Variants in UBN2 observed in about 807,000 individuals in gnomAD.
UBN2 encodes ubinuclein 2.
A neutral mutation model predicts 120.2 loss-of-function variants in UBN2; 35 were observed. The ratio of observed to expected loss-of-function variants is 0.29; its 90% CI spans 0.22 to 0.39. The LOEUF is 0.39. Among genes scored for constraint, UBN2 ranks in the 10% least tolerant of loss-of-function variants. The pLI is 1.00. For synonymous variants in UBN2, 661 were observed against 648.7 expected (o/e 1.02, Z -0.29); for missense variants, 1,693 against 1,663.2 (o/e 1.02, Z -0.31).
At chr7:139,286,702 AAACAT>A (rs1228508528) in intron 15 of UBN2, among the ~76,000 whole-genome samples, 1 of 152,176 alleles carries the variant, frequency 6.6e-6, no homozygotes, top group Admixed American at 6.5e-5. Context: ...TATTCTTTGA[AAACAT>A]AACTTTTATT....
rs1371334150 is a variant in UBN2, at chr7:139,298,514, G to C, written c.*678G>C. Reference sequence around the variant, plus strand: ...CATCTAGATTTTTAAAAATCAGGAAGTTGAGCCTGTTGCTCTTAAGAGATG... The same window carrying C: ...CATCTAGATTTTTAAAAATCAGGAACTTGAGCCTGTTGCTCTTAAGAGATG... On this transcript the variant is annotated 3_prime_UTR_variant, in exon 18 of 18. Transcript: ENST00000473989. 1 of 152,092 alleles carries C rather than the reference G, an allele frequency of 6.6e-6. No homozygotes were observed. The highest frequency in any genetic ancestry group is 2.4e-5 in the African/African-American group (1 of 41,402). 9.4% of individuals were successfully genotyped at this position (152,092 alleles called of 1,614,324 possible). A position where few individuals can be genotyped will look rare whatever the true frequency, so the allele number is the denominator to read the frequency against.
intron 6 of UBN2, among the ~76,000 whole-genome samples, chr7:139,262,601 G>A (rs1290664718): frequency 2.0e-5 from 3 of 151,742 alleles, no homozygotes; most frequent in Non-Finnish European, 4.4e-5. Flanking sequence ...TGTAATCCCA[G>A]CTACTCAGAG....
In UBN2 at chr7:139,299,696, T is replaced by C. The variant is rs949110623; in HGVS notation, c.*1860T>C. ...CCCAGTAGATATTTTGGAAGGATAC[T>C]GGGAGGATGTTGCAGAGAGGTTTGA... On this transcript the variant is annotated 3_prime_UTR_variant, in exon 18 of 18. Coordinates refer to ENST00000473989, the MANE Select transcript of UBN2 (RefSeq NM_173569.4). 6.6e-6 allele frequency: 1 copy of C among 152,178 alleles called. No homozygotes were observed. Among genetic ancestry groups the C allele is most frequent in the Admixed American group, 6.5e-5 (1 of 15,280 alleles). 9.4% of individuals were successfully genotyped at this position (152,178 alleles called of 1,614,324 possible).
Position 139,284,107 on chromosome 7 carries a change from A to C in UBN2, c.3202A>C (p.Lys1068Gln). 2 of 1,614,134 alleles carry C rather than the reference A, an allele frequency of 1.2e-6. No individual in the cohort carries two copies. Among genetic ancestry groups the C allele is most frequent in the Non-Finnish European group, 1.7e-6 (2 of 1,180,034 alleles). Residue 1068 changes from lysine to glutamine, a missense_variant, in exon 15 of 18, where the codon AAG (lysine) becomes CAG (glutamine). Physicochemically the swap from Lys to Gln is moderately conservative, Grantham distance 53 (BLOSUM62 1). Transcript: ENST00000473989. ...SASPKPSLSA[K>Q]PSVSTKLISK... Reference sequence around the variant, plus strand: ...CTCACCCAAGCCCTCTCTGTCAGCTAAGCCTTCAGTATCAACTAAACTTAT... The same window carrying C: ...CTCACCCAAGCCCTCTCTGTCAGCTCAGCCTTCAGTATCAACTAAACTTAT...
Position 139,299,155 on chromosome 7 carries a change from T to C in UBN2, c.*1319T>C, listed in dbSNP as rs146989470. 6.6e-6 allele frequency: 1 copy of C among 152,334 alleles called. No individual in the cohort carries two copies. Among genetic ancestry groups the C allele is most frequent in the African/African-American group, 2.4e-5 (1 of 41,586 alleles). 9.4% of individuals were successfully genotyped at this position (152,334 alleles called of 1,614,324 possible). On this transcript the variant is annotated 3_prime_UTR_variant, in exon 18 of 18. Transcript: ENST00000473989. Reference sequence around the variant, plus strand: ...CAAAGGATGTTAAGGGAAAAATTTATGGTTCTCCTTGGATACATTTGATTT... The same window carrying C: ...CAAAGGATGTTAAGGGAAAAATTTACGGTTCTCCTTGGATACATTTGATTT...
Position 139,273,967 on chromosome 7 carries a change from A to G in UBN2, c.1866A>G (p.Gly622=). 1 of 1,612,646 alleles carries G rather than the reference A, an allele frequency of 6.2e-7. No homozygotes were observed. Among genetic ancestry groups the G allele is most frequent in the Non-Finnish European group, 8.5e-7 (1 of 1,179,606 alleles). ...LLCNLVEIKL[G]CYELEPNKSQ... Reference sequence around the variant, plus strand: ...GTAACCTTGTTGAGATCAAATTGGGATGCTATGAGTTAGAACCAAATAAAA... The same window carrying G: ...GTAACCTTGTTGAGATCAAATTGGGGTGCTATGAGTTAGAACCAAATAAAA... Residue 622 remains glycine (G), a synonymous_variant, in exon 11 of 18, where the codon GGA becomes GGG. Transcript: ENST00000473989.
At position 139,231,828 on chromosome 7, in the gene UBN2, G is replaced by T. The variant is rs1796022858; in HGVS notation, c.344G>T (p.Arg115Leu). 4.0e-6 allele frequency: 6 copies of T among 1,514,734 alleles called. No homozygotes were observed. Among genetic ancestry groups the T allele is most frequent in the Non-Finnish European group, 5.3e-6 (6 of 1,137,718 alleles). 93.8% of individuals were successfully genotyped at this position (1,514,734 alleles called of 1,614,324 possible). A position where few individuals can be genotyped will look rare whatever the true frequency, so the allele number is the denominator to read the frequency against. ...CCCCCGCCGCGGGAGTCGGCTTCCC[G>T]GGCTGAGCAGCCGCCGCGGCCGCCG... ...QPPPPRESAS[R>L]AEQPPRPPRE... The change falls in exon 1 of 18, where the codon CGG becomes CTG. Residue 115 changes from arginine to leucine, a missense_variant. By Grantham distance (102) the Arg-to-Leu change is moderately radical. Transcript: ENST00000473989.
the UBN2 span, among the ~76,000 whole-genome samples, chr7:139,328,267 C>G: frequency 6.6e-6 from 1 of 152,206 alleles, no homozygotes; most frequent in Non-Finnish European, 1.5e-5. Context: ...GCATATCTTA[C>G]ATGGTGGCAG....
In UBN2 at chr7:139,302,436, A is replaced by G. The variant is rs951359037; in HGVS notation, c.*4600A>G. 6.6e-6 allele frequency: 1 copy of G among 152,302 alleles called. No individual in the cohort carries two copies. The highest frequency in any genetic ancestry group is 1.5e-5 in the Non-Finnish European group (1 of 68,124). The allele number at this position is 152,302 out of a possible 1,614,324, so 9.4% of individuals were successfully genotyped here. On this transcript the variant is annotated 3_prime_UTR_variant, in exon 18 of 18. Coordinates refer to ENST00000473989, the MANE Select transcript of UBN2 (RefSeq NM_173569.4). ...TGCGGTGGCTCACGCCTGTAATCCC[A>G]GCTCTTTGGGAGGCTGAGGCAGGTG...
At chr7:139,326,681 G>A in the UBN2 span, among the ~76,000 whole-genome samples, 1 of 152,170 alleles carries the variant, frequency 6.6e-6, no homozygotes, top group Non-Finnish European at 1.5e-5. Context: ...CAAGACATGG[G>A]CACATCACCC....
chr7:139,293,788 T>G (rs924631299), intron 16 of UBN2, 101 bp from the exon 17 acceptor site: 7 of 1,089,708 alleles, frequency 6.4e-6, no homozygotes, highest in Admixed American at 6.0e-5. Context: ...GCCTTCGAAG[T>G]CAGGTGCTGT....
chr7:139,316,978 G>C, the UBN2 span, among the ~76,000 whole-genome samples: 2 of 150,552 alleles, frequency 1.3e-5, no homozygotes, highest in East Asian at 2.0e-4. Flanking sequence ...TGTCACCCAG[G>C]CTGGAGTGCA....
chr7:139,329,919 C>T, the UBN2 span, among the ~76,000 whole-genome samples: 39 of 152,180 alleles, frequency 2.6e-4, no homozygotes, highest in Non-Finnish European at 4.0e-4. Context: ...CAACAAATAG[C>T]TGTGGCCATG....
At chr7:139,250,592 A>C (rs188157664) in intron 2 of UBN2, among the ~76,000 whole-genome samples, 1 of 152,212 alleles carries the variant, frequency 6.6e-6, no homozygotes, top group African/African-American at 2.4e-5. Flanking sequence ...AAAAGTTGCA[A>C]ATATACTACA....
At chr7:139,280,192 T>C (rs563136628) in intron 13 of UBN2, among the ~76,000 whole-genome samples, 7 of 152,142 alleles carry the variant, frequency 4.6e-5, no homozygotes, top group East Asian at 3.9e-4. Flanking sequence ...ACAGAATACA[T>C]GAGAGAATAA....
At chr7:139,276,341 C>A in intron 12 of UBN2, 194 bp downstream of exon 12, 1 of 567,312 alleles carries the variant, frequency 1.8e-6, no homozygotes, top group South Asian at 2.1e-5. Flanking sequence ...ACTAAATCCA[C>A]ACTGTGACAC....
At chr7:139,248,554 C>T (rs929456137) in intron 2 of UBN2, among the ~76,000 whole-genome samples, 11 of 151,926 alleles carry the variant, frequency 7.2e-5, no homozygotes. Flanking sequence ...GTAATGCTGC[C>T]TTTTTCATCT....
chr7:139,317,205 TAG>T, the UBN2 span, among the ~76,000 whole-genome samples: 1 of 152,014 alleles, frequency 6.6e-6, no homozygotes, highest in Non-Finnish European at 1.5e-5. Context: ...TTATTTGAGA[TAG>T]AGTCTTGCTC....
At chr7:139,257,850 A>G (rs1483561901) in intron 3 of UBN2, among the ~76,000 whole-genome samples, 1 of 152,156 alleles carries the variant, frequency 6.6e-6, no homozygotes, top group Non-Finnish European at 1.5e-5. Flanking sequence ...CAATGACGCA[A>G]TCTTGGCTCA....
Sources: allele counts gnomAD v4.1 joint callset (sites outside exome capture counted in the v4.1 genomes callset), GRCh38; gene constraint gnomAD v4.1.1; transcripts MANE v1.5; gene names NCBI Gene and HGNC (gene_info 2026-07-23, HGNC 2026-07-21).